ZNF431: variants seen among roughly 807,000 people sequenced by gnomAD.
ZNF431 encodes zinc finger protein 431.
Under a neutral mutation model 57.0 loss-of-function variants are expected in ZNF431, and 34 were observed. The ratio of observed to expected loss-of-function variants is 0.60; its 90% CI spans 0.45 to 0.79. The LOEUF is 0.79. ZNF431 is among the 30% of genes least tolerant of loss of function. ZNF431 has a pLI of 0.00. For synonymous variants in ZNF431, 207 were observed against 220.3 expected (o/e 0.94, Z 0.54); for missense variants, 607 against 667.1 (o/e 0.91, Z 0.99).
At chr19:21,167,133 C>T (rs1324208625) in intron 3 of ZNF431, among the ~76,000 whole-genome samples, 2 of 151,862 alleles carry the variant, frequency 1.3e-5, no homozygotes, top group African/African-American at 2.4e-5. Context: ...GCTGGGATTA[C>T]AGGCGTGAGC....
At position 21,183,465 on chromosome 19, in the gene ZNF431, A is replaced by G. The variant is rs1383678316; in HGVS notation, c.1162A>G (p.Thr388Ala). 4.3e-6 allele frequency: 7 copies of G among 1,613,834 alleles called. No homozygotes were observed. The highest frequency in any genetic ancestry group is 8.5e-7 in the Non-Finnish European group (1 of 1,179,966). Reference sequence around the variant, plus strand: ...AGGCTTTAATTGGTCCTCAACCCTTACTAAACATAAAAGAATTCATACTGG... The same window carrying G: ...AGGCTTTAATTGGTCCTCAACCCTTGCTAAACATAAAAGAATTCATACTGG... ...GKGFNWSSTL[T>A]KHKRIHTGEK... The change falls in exon 5 of 5, where the codon ACT becomes GCT. Residue 388 changes from threonine (T) to alanine (A), a missense_variant. Physicochemically the swap from Thr to Ala is moderately conservative, Grantham distance 58. Transcript: ENST00000311048.
chr19:21,142,265 A>G (rs1470171655), intron 1 of ZNF431, 79 bp downstream of exon 1: 4 of 1,594,810 alleles, frequency 2.5e-6, no homozygotes, highest in Non-Finnish European at 3.4e-6. Flanking sequence ...GGCGGGACTC[A>G]GGCCTCCCCG....
chr19:21,148,664 T>G (rs1568295734), intron 2 of ZNF431, among the ~76,000 whole-genome samples: 1 of 152,220 alleles, frequency 6.6e-6, no homozygotes, highest in Non-Finnish European at 1.5e-5. Flanking sequence ...ATATTTCACT[T>G]TCTCTGAATT....
chr19:21,178,866 T>C (rs1001182915), intron 4 of ZNF431, among the ~76,000 whole-genome samples: 2 of 152,012 alleles, frequency 1.3e-5, no homozygotes, highest in African/African-American at 2.4e-5. Context: ...GGTCTTGATA[T>C]CAGGGTGATG....
chr19:21,159,341 A>G (rs1970509529), intron 2 of ZNF431, among the ~76,000 whole-genome samples: 1 of 149,066 alleles, frequency 6.7e-6, no homozygotes, highest in Admixed American at 6.8e-5. Context: ...ATATATATAT[A>G]TAGTATACAA....
At chr19:21,176,187 C>T (rs995612173) in intron 4 of ZNF431, among the ~76,000 whole-genome samples, 1 of 151,210 alleles carries the variant, frequency 6.6e-6, no homozygotes, top group Non-Finnish European at 1.5e-5. Context: ...TGATGTTGAG[C>T]TCCACATAAA....
At chr19:21,174,766 A>T (rs1328991456) in intron 4 of ZNF431, among the ~76,000 whole-genome samples, 1 of 151,750 alleles carries the variant, frequency 6.6e-6, no homozygotes, top group African/African-American at 2.4e-5. Context: ...GTATTTATGT[A>T]TGTATTTTTA....
chr19:21,150,181 G>C, intron 2 of ZNF431: 1 of 583,380 alleles, frequency 1.7e-6, no homozygotes. Flanking sequence ...CTGTTTGGTG[G>C]TCCAGGCCCT....
chr19:21,154,813 G>A (rs1302588284), intron 2 of ZNF431, among the ~76,000 whole-genome samples: 2 of 152,218 alleles, frequency 1.3e-5, no homozygotes, highest in Non-Finnish European at 2.9e-5. Context: ...CTGCATAAAT[G>A]CCTTCTTTTG....
rs909151315 is a variant in ZNF431 at position 21,190,172 on chromosome 19, A to G, written c.*6138A>G. 6.2e-6 allele frequency: 2 copies of G among 323,790 alleles called. No individual in the cohort carries two copies. Among genetic ancestry groups the G allele is most frequent in the African/African-American group, 4.3e-5 (2 of 46,826 alleles). The allele number at this position is 323,790 out of a possible 1,614,324, so 20.1% of individuals were successfully genotyped here. On this transcript the variant is annotated 3_prime_UTR_variant, in exon 5 of 5. Transcript: ENST00000311048. Reference sequence around the variant, plus strand: ...CAACAGAGTGAGACTCGGTCTCAAGAGGGAAAATAAGGCATTTTTCTCATT... The same window carrying G: ...CAACAGAGTGAGACTCGGTCTCAAGGGGGAAAATAAGGCATTTTTCTCATT...
In ZNF431 at chr19:21,187,765, C is replaced by T. The variant is rs1304504844; in HGVS notation, c.*3731C>T. ...AAAAAAAGAGAAATTCTTTTATTTT[C>T]TACTTCTCTTCAGATTTGTCTTATG... On this transcript the variant is annotated 3_prime_UTR_variant, in exon 5 of 5. Coordinates refer to ENST00000311048, the MANE Select transcript of ZNF431 (RefSeq NM_133473.4). 1 of 152,122 alleles carries T rather than the reference C, an allele frequency of 6.6e-6. No homozygotes were observed. Among genetic ancestry groups the T allele is most frequent in the Non-Finnish European group, 1.5e-5 (1 of 68,022 alleles). The allele number at this position is 152,122 out of a possible 1,614,324, so 9.4% of individuals were successfully genotyped here.
At position 21,166,410 on chromosome 19, in the gene ZNF431, A is replaced by C. The variant is rs754188020; in HGVS notation, c.172A>C (p.Asn58His). 1.2e-6 allele frequency: 2 copies of C among 1,611,132 alleles called. No homozygotes were observed. The highest frequency in any genetic ancestry group is 2.2e-5 in the East Asian group (1 of 44,814). Residue 58 changes from asparagine to histidine, a missense_variant, in exon 3 of 5, where the codon AAT becomes CAT. By Grantham distance (68) the Asn-to-His change is moderately conservative. Coordinates refer to ENST00000311048, the MANE Select transcript of ZNF431 (RefSeq NM_133473.4). ...EWECLNPAQQNLYMNVMLENY... is the reference protein window; with the variant it reads ...EWECLNPAQQHLYMNVMLENY... The stretch of plus-strand genomic sequence containing the variant: ...GGAATGCCTGAACCCTGCTCAGCAG[A>C]ATTTATATATGAATGTGATGTTAGA...
chr19:21,189,748 T>C lies in ZNF431; in HGVS notation c.*5714T>C. ...ATGGGATTAAGTTTTTTGGAATCCATGTGTAAGTGAAATTATGAGACACTA... is the reference window on the plus strand; with the variant it reads ...ATGGGATTAAGTTTTTTGGAATCCACGTGTAAGTGAAATTATGAGACACTA... On this transcript the variant is annotated 3_prime_UTR_variant, in exon 5 of 5. Coordinates refer to ENST00000311048, the MANE Select transcript of ZNF431 (RefSeq NM_133473.4). The C allele has an allele frequency of 2.5e-6, 1 of 393,808 alleles. No homozygotes were observed. The highest frequency in any genetic ancestry group is 3.6e-5 in the East Asian group (1 of 27,816). 24.4% of individuals were successfully genotyped at this position (393,808 alleles called of 1,614,324 possible).
intron 2 of ZNF431, among the ~76,000 whole-genome samples, chr19:21,152,859 C>T (rs1295858937): frequency 1.3e-5 from 2 of 152,052 alleles, no homozygotes; most frequent in African/African-American, 2.4e-5. Flanking sequence ...AAAGATGTTA[C>T]CGGAAAGAAG....
intron 4 of ZNF431, among the ~76,000 whole-genome samples, chr19:21,173,745 T>G (rs1277782815): frequency 6.6e-6 from 1 of 152,052 alleles, no homozygotes; most frequent in East Asian, 1.9e-4. Context: ...CAGGCTGGTC[T>G]TGAACTCCTG....
At chr19:21,143,338 G>C (rs774839211) in intron 1 of ZNF431, among the ~76,000 whole-genome samples, 6 of 152,062 alleles carry the variant, frequency 3.9e-5, no homozygotes, top group African/African-American at 7.2e-5. Flanking sequence ...TTTTCTCCTT[G>C]TATCTTCTCT....
chr19:21,180,228 G>A (rs1389888053), intron 4 of ZNF431, among the ~76,000 whole-genome samples: 1 of 152,164 alleles, frequency 6.6e-6, no homozygotes, highest in Non-Finnish European at 1.5e-5. Flanking sequence ...AGTAGTGCTA[G>A]CTGCTTATTT....
At chr19:21,145,725 G>T (rs893577655) in intron 2 of ZNF431, among the ~76,000 whole-genome samples, 5 of 151,976 alleles carry the variant, frequency 3.3e-5, no homozygotes, top group African/African-American at 1.2e-4. Flanking sequence ...TTAGATTTAT[G>T]TAAAAAAAAA....
intron 2 of ZNF431, among the ~76,000 whole-genome samples, chr19:21,162,550 C>A (rs1052723365): frequency 2.6e-5 from 4 of 152,110 alleles, no homozygotes; most frequent in Admixed American, 6.5e-5. Flanking sequence ...AGGCGACTTA[C>A]CCACCTCAGC....
Sources: allele counts gnomAD v4.1 joint callset (sites outside exome capture counted in the v4.1 genomes callset), GRCh38; gene constraint gnomAD v4.1.1; transcripts MANE v1.5; gene names NCBI Gene and HGNC (gene_info 2026-07-23, HGNC 2026-07-21).